TASP1: variants seen among roughly 807,000 people sequenced by gnomAD.
TASP1 encodes the protein threonine aspartase 1.
A neutral mutation model predicts 56.6 loss-of-function variants in TASP1; 16 were observed. The observed-to-expected ratio is 0.28, with a 90% CI of 0.19 to 0.43. TASP1 has a LOEUF of 0.43. TASP1 is among the 20% of genes least tolerant of loss of function. TASP1 has a pLI of 1.00. For missense variants in TASP1, 393 were observed against 511.6 expected, an observed-to-expected ratio of 0.77 and a Z score of 2.24; for synonymous variants, 179 against 184.2, an observed-to-expected ratio of 0.97 and a Z score of 0.23.
intron 8 of TASP1, among the ~76,000 whole-genome samples, chr20:13,552,849 T>C (rs536473554): frequency 6.6e-6 from 1 of 152,304 alleles, no homozygotes; most frequent in East Asian, 1.9e-4. Context: ...TAAATATTGG[T>C]TTTACTTTTT....
intron 4 of TASP1, chr20:13,600,463 A>G (rs2047913834): frequency 1.3e-5 from 2 of 152,190 alleles, no homozygotes; most frequent in Non-Finnish European, 2.9e-5. Context: ...CAAAGGTGGC[A>G]AGGCAATTCA....
intron 2 of TASP1, among the ~76,000 whole-genome samples, chr20:13,626,427 C>CA (rs1166415954): frequency 6.6e-6 from 1 of 151,988 alleles, no homozygotes; most frequent in African/African-American, 2.4e-5. Flanking sequence ...ACTTTGACTC[C>CA]AAAAAACAAA....
At chr20:13,467,065 G>A (rs1447896931) in intron 11 of TASP1, among the ~76,000 whole-genome samples, 3 of 151,854 alleles carry the variant, frequency 2.0e-5, no homozygotes, top group African/African-American at 7.3e-5. Flanking sequence ...CAAATCATCA[G>A]GGAAGCTGAA....
intron 8 of TASP1, among the ~76,000 whole-genome samples, chr20:13,538,333 C>T (rs1795539415): frequency 6.6e-6 from 1 of 152,086 alleles, no homozygotes; most frequent in Non-Finnish European, 1.5e-5. Context: ...CTTATTAACT[C>T]AGTCTTTCTT....
chr20:13,534,379 A>ATT (rs2045337709), intron 8 of TASP1, among the ~76,000 whole-genome samples: 1 of 151,870 alleles, frequency 6.6e-6, no homozygotes, highest in African/African-American at 2.4e-5. Context: ...GCTTTTCTCT[A>ATT]ATAATAAGGC....
the TASP1 span, among the ~76,000 whole-genome samples, chr20:13,311,231 T>TAG: frequency 1.3e-4 from 15 of 114,070 alleles, no homozygotes; most frequent in Non-Finnish European, 2.8e-4. Flanking sequence ...GATAGATAGA[T>TAG]AGATAGATAG....
intron 10 of TASP1, among the ~76,000 whole-genome samples, chr20:13,501,642 G>C (rs368235823): frequency 1.1e-4 from 17 of 151,742 alleles, no homozygotes; most frequent in African/African-American, 4.1e-4. Flanking sequence ...AAAGCAAGGT[G>C]GTATATTTAG....
At chr20:13,564,863 G>T (rs773089388) in intron 7 of TASP1, among the ~76,000 whole-genome samples, 1 of 151,922 alleles carries the variant, frequency 6.6e-6, no homozygotes, top group South Asian at 2.1e-4. Context: ...AAAATTAGCC[G>T]GGTGTGGTGG....
At chr20:13,170,112 C>T in the TASP1 span, among the ~76,000 whole-genome samples, 2 of 152,148 alleles carry the variant, frequency 1.3e-5, no homozygotes, top group Non-Finnish European at 2.9e-5. Flanking sequence ...TAGACACTTA[C>T]CACATGCCAG....
chr20:13,588,624 T>C (rs2047409300), intron 4 of TASP1, among the ~76,000 whole-genome samples: 1 of 152,178 alleles, frequency 6.6e-6, no homozygotes. Flanking sequence ...AAGACTTGTA[T>C]GCTAAAAACT....
At chr20:13,500,301 C>A (rs1218870781) in intron 10 of TASP1, among the ~76,000 whole-genome samples, 2 of 141,858 alleles carry the variant, frequency 1.4e-5, no homozygotes, top group African/African-American at 5.3e-5. Context: ...ATACTAGATG[C>A]ATGGAATAAG....
chr20:13,259,049 G>A, the TASP1 span, among the ~76,000 whole-genome samples: 4 of 152,142 alleles, frequency 2.6e-5, no homozygotes, highest in Admixed American at 6.5e-5. Context: ...TTGGGAGGCC[G>A]AGGCGGGTGG....
chr20:13,570,806 T>G (rs1465643682), intron 6 of TASP1, among the ~76,000 whole-genome samples: 1 of 152,158 alleles, frequency 6.6e-6, no homozygotes, highest in Admixed American at 6.5e-5. Flanking sequence ...AAACTTCAAA[T>G]GTTAAGATGA....
chr20:13,239,868 T>A, the TASP1 span, among the ~76,000 whole-genome samples: 7 of 152,228 alleles, frequency 4.6e-5, no homozygotes, highest in Non-Finnish European at 8.8e-5. Context: ...AAGCAAGTCA[T>A]CTTTCATGAA....
the TASP1 span, among the ~76,000 whole-genome samples, chr20:13,321,264 A>AAAAAAAAAAAAAAAAAAAC: frequency 6.6e-6 from 1 of 150,888 alleles, no homozygotes; most frequent in Non-Finnish European, 1.5e-5. Context: ...AAAAAAAAAA[A>AAAAAAAAAAAAAAAAAAAC]AAAAAAAAAA....
the TASP1 span, among the ~76,000 whole-genome samples, chr20:13,227,922 C>T: frequency 2.7e-5 from 4 of 148,664 alleles, no homozygotes; most frequent in South Asian, 6.4e-4. Flanking sequence ...AGACTTAATT[C>T]TAAGATTTAC....
At chr20:13,225,719 A>T in the TASP1 span, among the ~76,000 whole-genome samples, 15 of 152,124 alleles carry the variant, frequency 9.9e-5, no homozygotes, top group African/African-American at 3.6e-4. Context: ...AAATGAGAAA[A>T]CTATCTGCAG....
At chr20:13,555,060 G>A (rs571058344) in intron 8 of TASP1, among the ~76,000 whole-genome samples, 4 of 152,096 alleles carry the variant, frequency 2.6e-5, no homozygotes, top group Admixed American at 2.0e-4. Context: ...CTCAAACCCT[G>A]CCGTTGCTTT....
chr20:13,145,493 C>A, the TASP1 span, among the ~76,000 whole-genome samples: 1 of 152,076 alleles, frequency 6.6e-6, no homozygotes, highest in Admixed American at 6.6e-5. Context: ...AGAGAAGACA[C>A]AAACAAATGG....
Sources: gnomAD v4.1 joint callset for allele counts (sites outside exome capture counted in the v4.1 genomes callset) on GRCh38, gnomAD v4.1.1 for gene constraint, MANE v1.5 for transcripts, NCBI Gene and HGNC (gene_info 2026-07-23, HGNC 2026-07-21) for gene names.